Variants in PRKCZ observed in about 807,000 individuals in gnomAD.
PRKCZ encodes protein kinase C zeta.
Under a neutral mutation model 79.5 loss-of-function variants are expected in PRKCZ, and 33 were observed. The observed-to-expected ratio is 0.41, with a 90% CI of 0.31 to 0.55. The LOEUF (loss-of-function observed/expected upper bound fraction) is 0.55. Among genes scored for constraint, PRKCZ ranks in the 20% least tolerant of loss-of-function variants. The pLI, the probability that PRKCZ is intolerant of heterozygous loss-of-function variation, is 0.19. For missense variants in PRKCZ, 578 were observed against 813.5 expected, an observed-to-expected ratio of 0.71 and a Z score of 3.52; for synonymous variants, 342 against 320.9, an observed-to-expected ratio of 1.07 and a Z score of -0.70.
chr1:2,114,697 C>T (rs995068213), intron 4 of PRKCZ, among the ~76,000 whole-genome samples: 1 of 152,064 alleles, frequency 6.6e-6, no homozygotes, highest in Non-Finnish European at 1.5e-5. Flanking sequence ...TCGCTTGAAC[C>T]CGGGAGGTGG....
intron 4 of PRKCZ, among the ~76,000 whole-genome samples, chr1:2,129,787 C>T (rs1009454047): frequency 6.6e-6 from 1 of 152,220 alleles, no homozygotes; most frequent in Non-Finnish European, 1.5e-5. Context: ...GAGTAGGGAC[C>T]AGGCAGGGCC....
chr1:2,097,420 G>A (rs922207265), intron 4 of PRKCZ, among the ~76,000 whole-genome samples: 2 of 152,216 alleles, frequency 1.3e-5, no homozygotes, highest in Non-Finnish European at 2.9e-5. Flanking sequence ...GCCCCCCTGT[G>A]CTCTCAGAAG....
chr1:2,140,337 A>C (rs987825312), intron 5 of PRKCZ, among the ~76,000 whole-genome samples: 1 of 152,176 alleles, frequency 6.6e-6, no homozygotes, highest in Non-Finnish European at 1.5e-5. Flanking sequence ...CAGGTCTAAA[A>C]CATGAAAATG....
chr1:2,098,064 G>A (rs1330905902), intron 4 of PRKCZ, among the ~76,000 whole-genome samples: 1 of 151,688 alleles, frequency 6.6e-6, no homozygotes, highest in Non-Finnish European at 1.5e-5. Context: ...AGGTGACTCA[G>A]GATGACTAAG....
At chr1:2,099,474 C>T (rs541838934) in intron 4 of PRKCZ, among the ~76,000 whole-genome samples, 2 of 135,398 alleles carry the variant, frequency 1.5e-5, no homozygotes, top group African/African-American at 5.4e-5. Context: ...TGGACACAGG[C>T]GGCTGCCAGG....
chr1:2,100,087 C>T (rs1421464199), intron 4 of PRKCZ, among the ~76,000 whole-genome samples: 4 of 152,172 alleles, frequency 2.6e-5, no homozygotes, highest in African/African-American at 9.7e-5. Flanking sequence ...GTCTTGCTGA[C>T]ACTGTCATTA....
At chr1:2,050,013 G>C (rs1659491932), upstream of PRKCZ, 1 of 152,324 alleles carries the variant, frequency 6.6e-6, no homozygotes, top group South Asian at 2.1e-4. Flanking sequence ...CCGCAAGTGT[G>C]AGATGTCAGG....
intron 4 of PRKCZ, among the ~76,000 whole-genome samples, chr1:2,113,467 G>T (rs1256871180): frequency 1.3e-5 from 2 of 152,184 alleles, no homozygotes; most frequent in East Asian, 3.8e-4. Context: ...GTGGAAGCCA[G>T]CAGGTGAGGA....
At chr1:2,081,653 G>T (rs2102395006) in intron 4 of PRKCZ, among the ~76,000 whole-genome samples, 1 of 152,304 alleles carries the variant, frequency 6.6e-6, no homozygotes, top group East Asian at 1.9e-4. Flanking sequence ...GCGTGGTGAT[G>T]TCGGGGCTGC....
chr1:2,115,131 TG>T (rs1196918833), intron 4 of PRKCZ, among the ~76,000 whole-genome samples: 2 of 152,260 alleles, frequency 1.3e-5, no homozygotes, highest in African/African-American at 4.8e-5. Flanking sequence ...GCTTTTGTCT[TG>T]GGATCCGGGG....
chr1:2,120,283 T>C (rs1446897902), intron 4 of PRKCZ, among the ~76,000 whole-genome samples: 1 of 148,290 alleles, frequency 6.7e-6, no homozygotes, highest in Non-Finnish European at 1.5e-5. Context: ...ATATCAGCCC[T>C]TGACTTTTCG....
intron 4 of PRKCZ, among the ~76,000 whole-genome samples, chr1:2,105,742 G>A (rs79693486): frequency 9.2e-5 from 14 of 152,188 alleles, no homozygotes. Flanking sequence ...TGAATTTGGG[G>A]TGAAGTAGTC....
rs1031074178 is a variant in PRKCZ at position 2,168,979 on chromosome 1, G to A, written c.975-539G>A. The A allele has an allele frequency of 5.0e-5, 18 of 363,230 alleles. No homozygotes were observed. The highest frequency in any genetic ancestry group is 8.5e-5 in the African/African-American group (4 of 47,262). The allele number at this position is 363,230 out of a possible 1,614,324, so 22.5% of individuals were successfully genotyped here. A position where few individuals can be genotyped will look rare whatever the true frequency, so the allele number is the denominator to read the frequency against. ...ATCTGCGGATCTTTTAAAATCATACGATCATGTCTGCGAAACCGGGATGCC... is the reference window on the plus strand; with the variant it reads ...ATCTGCGGATCTTTTAAAATCATACAATCATGTCTGCGAAACCGGGATGCC... On this transcript the variant is annotated intron_variant, in intron 10 of 17. Coordinates refer to ENST00000378567, the MANE Select transcript of PRKCZ (RefSeq NM_002744.6). The surrounding 1 kb of genome is among the most constrained non-coding windows in gnomAD (Gnocchi z 4.7).
At chr1:2,136,218 A>C (rs1676174285) in intron 5 of PRKCZ, among the ~76,000 whole-genome samples, 2 of 152,132 alleles carry the variant, frequency 1.3e-5, no homozygotes, top group African/African-American at 4.8e-5. Context: ...CCTCTAGACC[A>C]TCAGGAAGTT....
chr1:2,115,052 C>T (rs552306694), intron 4 of PRKCZ, among the ~76,000 whole-genome samples: 7 of 152,392 alleles, frequency 4.6e-5, no homozygotes, highest in Admixed American at 1.3e-4. Flanking sequence ...CCCCACACCC[C>T]GAGGTGACCC....
chr1:2,051,509 G>A (rs1004783289), intron 1 of PRKCZ, among the ~76,000 whole-genome samples: 1 of 152,226 alleles, frequency 6.6e-6, no homozygotes, highest in African/African-American at 2.4e-5. Flanking sequence ...TGGGACCTCC[G>A]CTCCCGCGAG....
At chr1:2,074,149 T>G (rs1661948566) in intron 4 of PRKCZ, 2 of 1,544,676 alleles carry the variant, frequency 1.3e-6, no homozygotes, top group Admixed American at 3.9e-5. Flanking sequence ...CCCAGCAATG[T>G]CAGGGGAAAC....
intron 4 of PRKCZ, among the ~76,000 whole-genome samples, chr1:2,133,140 C>A (rs756482464): frequency 2.6e-5 from 4 of 152,168 alleles, no homozygotes; most frequent in Non-Finnish European, 5.9e-5. Context: ...GTCCAGTTGG[C>A]GCATTTTCAG....
chr1:2,108,656 G>A (rs1038163316), intron 4 of PRKCZ, among the ~76,000 whole-genome samples: 4 of 152,196 alleles, frequency 2.6e-5, no homozygotes, highest in African/African-American at 7.2e-5. Context: ...CCTGGTGGCC[G>A]TGGGAGAAGC....
Sources: gnomAD v4.1 joint callset for allele counts (sites outside exome capture counted in the v4.1 genomes callset) on GRCh38, gnomAD v4.1.1 for gene constraint, Gnocchi (gnomAD v3.1) non-coding constraint, MANE v1.5 for transcripts, NCBI Gene and HGNC (gene_info 2026-07-23, HGNC 2026-07-21) for gene names.